Variants in LRP1B observed in about 807,000 individuals in gnomAD.
The protein encoded by LRP1B is low-density lipoprotein receptor-related protein 1B.
A neutral mutation model predicts 556.6 loss-of-function variants in LRP1B; 217 were observed. The ratio of observed to expected loss-of-function variants is 0.39; its 90% CI spans 0.35 to 0.44. The LOEUF is 0.44. Among genes scored for constraint, LRP1B ranks in the 20% least tolerant of loss-of-function variants. The pLI, the probability that LRP1B is intolerant of heterozygous loss-of-function variation, is 1.00. For missense variants in LRP1B, 5,053 were observed against 5,620.8 expected, an observed-to-expected ratio of 0.90 and a Z score of 3.23; for synonymous variants, 2,047 against 1,865.8, an observed-to-expected ratio of 1.10 and a Z score of -2.50.
intron 20 of LRP1B, among the ~76,000 whole-genome samples, chr2:140,927,530 A>G (rs1425693028): frequency 3.3e-5 from 5 of 152,128 alleles, no homozygotes; most frequent in Admixed American, 1.3e-4. Flanking sequence ...TAATAATCAA[A>G]AAGCATTTAT....
intron 25 of LRP1B, among the ~76,000 whole-genome samples, chr2:140,869,355 C>T (rs1485626586): frequency 6.6e-6 from 1 of 151,996 alleles, no homozygotes; most frequent in Non-Finnish European, 1.5e-5. Context: ...GCTTGCCAAG[C>T]TACATGCGGC....
At chr2:141,915,028 G>T (rs1699995053) in intron 1 of LRP1B, among the ~76,000 whole-genome samples, 5 of 152,018 alleles carry the variant, frequency 3.3e-5, no homozygotes. Flanking sequence ...CAAAAAAAGA[G>T]ACCAAATAGC....
chr2:141,998,342 T>G (rs1702556900), intron 1 of LRP1B, among the ~76,000 whole-genome samples: 1 of 152,162 alleles, frequency 6.6e-6, no homozygotes. Context: ...AAAATGTCTG[T>G]GAGGACCATA....
chr2:141,179,474 G>A (rs1366178859), intron 7 of LRP1B, among the ~76,000 whole-genome samples: 2 of 151,900 alleles, frequency 1.3e-5, no homozygotes, highest in Non-Finnish European at 2.9e-5. Context: ...AATCGCAATG[G>A]CAAAAATAGT....
At chr2:140,959,449 T>C (rs1056692518) in intron 18 of LRP1B, among the ~76,000 whole-genome samples, 7 of 151,674 alleles carry the variant, frequency 4.6e-5, no homozygotes, top group African/African-American at 1.7e-4. Flanking sequence ...CTAACAATGA[T>C]AATTCTCCCT....
intron 2 of LRP1B, among the ~76,000 whole-genome samples, chr2:141,621,420 A>T (rs2105336002): frequency 6.6e-6 from 1 of 152,320 alleles, no homozygotes; most frequent in Non-Finnish European, 1.5e-5. Context: ...AGTTAGAATT[A>T]AATACAGAGA....
chr2:142,058,237 G>A (rs1704752668), intron 1 of LRP1B, among the ~76,000 whole-genome samples: 1 of 152,088 alleles, frequency 6.6e-6, no homozygotes, highest in Non-Finnish European at 1.5e-5. Context: ...GACAAGATTT[G>A]TTAATGATGT....
chr2:140,495,512 A>C (rs1283294564), intron 56 of LRP1B, 53 bp downstream of exon 56: 2 of 1,480,080 alleles, frequency 1.4e-6, no homozygotes, highest in Non-Finnish European at 1.8e-6. Context: ...TATAAAATTC[A>C]GGATCCATAT....
chr2:140,902,241 A>T (rs1694125165), intron 23 of LRP1B, among the ~76,000 whole-genome samples: 1 of 152,160 alleles, frequency 6.6e-6, no homozygotes, highest in Admixed American at 6.5e-5. Context: ...GTGGATGGGA[A>T]GCGATACTTC....
At chr2:140,249,339 A>G (rs1214538008) in intron 86 of LRP1B, among the ~76,000 whole-genome samples, 4 of 151,674 alleles carry the variant, frequency 2.6e-5, no homozygotes, top group African/African-American at 2.4e-5. Context: ...TCTAATTCCA[A>G]ACTCTAGAAT....
chr2:140,802,137 T>C (rs2105010657), intron 32 of LRP1B, among the ~76,000 whole-genome samples: 1 of 152,266 alleles, frequency 6.6e-6, no homozygotes, highest in Middle Eastern at 3.4e-3. Flanking sequence ...TCAATTTCAT[T>C]CTACTCAACA....
intron 60 of LRP1B, among the ~76,000 whole-genome samples, chr2:140,468,258 T>C (rs1687627562): frequency 6.6e-6 from 1 of 152,130 alleles, no homozygotes; most frequent in Non-Finnish European, 1.5e-5. Flanking sequence ...ATATAGTAAG[T>C]CTTGGTGAGG....
intron 2 of LRP1B, among the ~76,000 whole-genome samples, chr2:141,558,863 C>T (rs11675776): frequency 0.078 from 11,751 of 151,624 alleles, 558 homozygotes; most frequent in South Asian, 0.13. Flanking sequence ...TTTAAAACAG[C>T]GCTATGAATC....
intron 2 of LRP1B, among the ~76,000 whole-genome samples, chr2:141,743,952 T>C (rs1693816240): frequency 8.9e-5 from 1 of 11,270 alleles, no homozygotes; most frequent in South Asian, 0.031. Flanking sequence ...ATAAACCAAC[T>C]TTTTGTTTGA....
intron 2 of LRP1B, among the ~76,000 whole-genome samples, chr2:141,621,133 T>G (rs943309472): frequency 2.6e-5 from 4 of 152,172 alleles, no homozygotes; most frequent in Non-Finnish European, 5.9e-5. Flanking sequence ...AACCCTCATA[T>G]GTTTTACATA....
intron 1 of LRP1B, among the ~76,000 whole-genome samples, chr2:141,930,739 G>A (rs757208135): frequency 6.6e-6 from 1 of 151,944 alleles, no homozygotes; most frequent in African/African-American, 2.4e-5. Context: ...TAAGCTCATG[G>A]TATTCTAAAA....
intron 7 of LRP1B, among the ~76,000 whole-genome samples, chr2:141,074,289 C>T (rs1319242064): frequency 6.6e-6 from 1 of 152,056 alleles, no homozygotes; most frequent in Non-Finnish European, 1.5e-5. Context: ...CCAACCTTGG[C>T]TTTAGTTTTC....
At chr2:141,288,956 C>T (rs1573758961) in intron 3 of LRP1B, among the ~76,000 whole-genome samples, 1 of 152,102 alleles carries the variant, frequency 6.6e-6, no homozygotes, top group Admixed American at 6.6e-5. Flanking sequence ...ACTACTTGTA[C>T]CTTGTGTGTT....
intron 33 of LRP1B, among the ~76,000 whole-genome samples, chr2:140,771,578 T>C (rs1257732974): frequency 6.6e-6 from 1 of 152,220 alleles, no homozygotes; most frequent in Non-Finnish European, 1.5e-5. Flanking sequence ...ATCTAATTAA[T>C]TGGCATATTA....
Sources: gnomAD v4.1 joint callset for allele counts (sites outside exome capture counted in the v4.1 genomes callset) on GRCh38, gnomAD v4.1.1 for gene constraint, MANE v1.5 for transcripts, NCBI Gene and HGNC (gene_info 2026-07-23, HGNC 2026-07-21) for gene names.